Variants in NEB observed in about 807,000 individuals in gnomAD.
The protein encoded by NEB is nebulin.
Under a neutral mutation model 952.2 loss-of-function variants are expected in NEB, and 512 were observed. The ratio of observed to expected loss-of-function variants is 0.54; its 90% CI spans 0.50 to 0.58. The LOEUF (loss-of-function observed/expected upper bound fraction) is 0.58, where lower values mean the gene tolerates loss of function less well. Among genes scored for constraint, NEB ranks in the 20% least tolerant of loss-of-function variants. The pLI is 0.00. For synonymous variants in NEB, 2,900 were observed against 3,149.8 expected, an observed-to-expected ratio of 0.92 and a Z score of 2.66; for missense variants, 8,428 against 9,231.1, an observed-to-expected ratio of 0.91 and a Z score of 3.56.
chr2:151,513,016 A>G (rs2075624806), intron 160 of NEB, among the ~76,000 whole-genome samples, 179 bp from the exon 161 acceptor site: 1 of 152,218 alleles, frequency 6.6e-6, no homozygotes, highest in Admixed American at 6.5e-5. Context: ...AGATTCAGTA[A>G]GAAAGGTCAA....
intron 10 of NEB, among the ~76,000 whole-genome samples, chr2:151,714,547 G>T (rs867790109): frequency 4.6e-5 from 7 of 152,112 alleles, no homozygotes; most frequent in Admixed American, 2.6e-4. Flanking sequence ...GTGTGTGCAT[G>T]TTAAATAAAT....
At position 151,663,773 on chromosome 2, in the gene NEB, G is replaced by A. The variant is rs2099172636; in HGVS notation, c.5538C>T (p.Phe1846=). 1.2e-6 allele frequency: 2 copies of A among 1,613,844 alleles called. No individual in the cohort carries two copies. Among genetic ancestry groups the A allele is most frequent in the East Asian group, 4.5e-5 (2 of 44,874 alleles). ...CTGACTGCATCTTGGCCACTTGCAT[G>A]AAGTGCACCAGCTTGGGGTCATCTT... ...SLEDDPKLVH[F]MQVAKMQSDR... Residue 1846 remains phenylalanine, a synonymous_variant, in exon 45 of 182, where the codon TTC becomes TTT. Coordinates refer to ENST00000397345, the MANE Select transcript of NEB (RefSeq NM_001164508.2).
rs1311423934 is a variant in NEB at position 151,617,426 on chromosome 2, G to T, written c.11119C>A (p.His3707Asn). 1 of 1,543,572 alleles carries T rather than the reference G, an allele frequency of 6.5e-7. No homozygotes were observed. Among genetic ancestry groups the T allele is most frequent in the Non-Finnish European group, 8.7e-7 (1 of 1,143,678 alleles). ...ATTTCTGGTGTATCAGGCATGACAT[G>T]AATAGTTTTCTTGTCATTGTCCCAG... Reference protein sequence around the residue: ...EAWDNDKKTIHVMPDTPEIML... With the variant: ...EAWDNDKKTINVMPDTPEIML... The change falls in exon 75 of 182, where the codon CAT becomes AAT. Residue 3707 changes from histidine to asparagine, a missense_variant. By Grantham distance (68) the His-to-Asn change is moderately conservative (BLOSUM62 1). Around this residue, in one of 11 missense-constraint regions of NEB, gnomAD observed 1,772 missense variants for 1,960.3 expected, o/e 0.90. Coordinates refer to ENST00000397345, the MANE Select transcript of NEB (RefSeq NM_001164508.2).
In NEB at chr2:151,503,452, T is replaced by C. The variant is rs1171835385; in HGVS notation, c.23743-11A>G. On this transcript the variant is annotated splice_polypyrimidine_tract_variant and intron_variant, in intron 165 of 181. Transcript: ENST00000397345. ...TTCTTTGTACATAACCTGTAGAAAA[T>C]AATTAGAATACCCAGAAAGGTAAAA... The C allele has an allele frequency of 3.2e-6, 5 of 1,551,776 alleles. No individual in the cohort carries two copies. The highest frequency in any genetic ancestry group is 2.2e-5 in the East Asian group (1 of 44,504).
chr2:151,704,620 T>C (rs2099696789), intron 13 of NEB, among the ~76,000 whole-genome samples: 1 of 152,174 alleles, frequency 6.6e-6, no homozygotes, highest in Non-Finnish European at 1.5e-5. Context: ...GTGACCCGAT[T>C]TTCCAGGTGC....
chr2:151,638,990 T>C (rs2098812445), intron 63 of NEB, among the ~76,000 whole-genome samples: 1 of 152,202 alleles, frequency 6.6e-6, no homozygotes, highest in South Asian at 2.1e-4. Context: ...GATACATGTA[T>C]AGGTCAATTG....
At chr2:151,643,390 C>A in intron 57 of NEB, 37 bp from the exon 58 acceptor site, 2 of 1,517,902 alleles carry the variant, frequency 1.3e-6, no homozygotes, top group South Asian at 1.2e-5. Context: ...ATAATTAAAT[C>A]ATTTATCACA....
chr2:151,497,482 CAAAGGAAA>C, intron 171 of NEB, 136 bp downstream of exon 171: 1 of 1,464,224 alleles, frequency 6.8e-7, no homozygotes, highest in Admixed American at 2.6e-5. Flanking sequence ...AGAAGTAGCC[CAAAGGAAA>C]AAAGGATAAA....
At chr2:151,499,277 G>A in intron 169 of NEB, 21 bp downstream of exon 169, 3 of 1,220,290 alleles carry the variant, frequency 2.5e-6, no homozygotes, top group Non-Finnish European at 3.5e-6. Context: ...ATAATTAAAG[G>A]GATTTTTTAT....
At chr2:151,685,644 T>G (rs914289745) in intron 27 of NEB, among the ~76,000 whole-genome samples, 1 of 152,232 alleles carries the variant, frequency 6.6e-6, no homozygotes, top group Non-Finnish European at 1.5e-5. Flanking sequence ...TACAGCATTA[T>G]AAACCAAATG....
chr2:151,724,809 T>G, intron 7 of NEB, 48 bp downstream of exon 7: 1 of 1,481,294 alleles, frequency 6.8e-7, no homozygotes, highest in African/African-American at 1.4e-5. Flanking sequence ...AATGCAGAGG[T>G]GATGCACATG....
intron 81 of NEB, among the ~76,000 whole-genome samples, chr2:151,609,398 T>C (rs1445140781): frequency 6.6e-6 from 1 of 152,010 alleles, no homozygotes; most frequent in East Asian, 1.9e-4. Flanking sequence ...ATACTAGCCA[T>C]GAATAATAAT....
At chr2:151,681,930 C>G (rs970035850) in intron 29 of NEB, among the ~76,000 whole-genome samples, 6 of 152,270 alleles carry the variant, frequency 3.9e-5, no homozygotes, top group African/African-American at 1.2e-4. Flanking sequence ...ATCCACATAT[C>G]CCCCAACCGG....
intron 151 of NEB, 40 bp from the exon 152 acceptor site, chr2:151,524,656 T>TG: frequency 5.3e-6 from 1 of 187,912 alleles, no homozygotes; most frequent in Admixed American, 1.4e-4. Context: ...GAGAGAGGCT[T>TG]TTTTTTTTTT....
chr2:151,725,624 C>T (rs1019234192), intron 5 of NEB, 64 bp from the exon 6 acceptor site: 4 of 1,264,882 alleles, frequency 3.2e-6, no homozygotes, highest in Non-Finnish European at 4.6e-6. Context: ...AACATACTCA[C>T]CCCATTTGAT....
At chr2:151,609,680 G>GGTACCCC (rs1213546366) in intron 81 of NEB, 129 bp downstream of exon 81, 1 of 714,122 alleles carries the variant, frequency 1.4e-6, no homozygotes, top group Non-Finnish European at 2.2e-6. Context: ...CAATGTGAAT[G>GGTACCCC]GTACCCCCAG....
chr2:151,615,704 A>T (rs73967575), intron 76 of NEB, among the ~76,000 whole-genome samples: 9,219 of 151,890 alleles, frequency 0.061, 716 homozygotes, highest in African/African-American at 0.17. Flanking sequence ...TTATTTATTT[A>T]TTTTTTTTGA....
At chr2:151,702,402 T>G (rs1218286158) in intron 13 of NEB, among the ~76,000 whole-genome samples, 1 of 152,118 alleles carries the variant, frequency 6.6e-6, no homozygotes, top group Non-Finnish European at 1.5e-5. Context: ...CAGAGCTGAG[T>G]TCAATTCCTT....
At chr2:151,494,024 T>C (rs2058497615) in intron 174 of NEB, 137 bp downstream of exon 174, 2 of 895,216 alleles carry the variant, frequency 2.2e-6, no homozygotes, top group East Asian at 2.6e-5. Context: ...CTACAGTAAA[T>C]GTAGTGTGAT....
Sources: allele counts gnomAD v4.1 joint callset (sites outside exome capture counted in the v4.1 genomes callset), GRCh38; gene constraint gnomAD v4.1.1; regional missense constraint gnomAD v4.1.1; transcripts MANE v1.5; gene names NCBI Gene and HGNC (gene_info 2026-07-23, HGNC 2026-07-21).